Variants in TOX3 observed in about 807,000 individuals in gnomAD.
TOX3 encodes TOX high mobility group box family member 3.
A neutral mutation model predicts 64.3 loss-of-function variants in TOX3; 22 were observed. That is an observed-to-expected ratio of 0.34 (90% CI 0.24 to 0.49). TOX3 has a LOEUF of 0.49. Ranked by LOEUF, TOX3 falls within the 20% of genes least tolerant of loss-of-function variation. The pLI, the probability that TOX3 is intolerant of heterozygous loss-of-function variation, is 0.99. For synonymous variants in TOX3, 291 were observed against 273.6 expected, an observed-to-expected ratio of 1.06 and a Z score of -0.63; for missense variants, 661 against 714.4, an observed-to-expected ratio of 0.93 and a Z score of 0.85.
chr16:52,491,459 T>G (rs1295879039), intron 1 of TOX3, among the ~76,000 whole-genome samples: 2 of 152,166 alleles, frequency 1.3e-5, no homozygotes, highest in Non-Finnish European at 2.9e-5. Flanking sequence ...GGAGTAATGT[T>G]TTATTTCATT....
Position 52,473,057 on chromosome 16 carries a change from G to A in TOX3, c.88-4483C>T, listed in dbSNP as rs994656748. Among the ~76,000 whole-genome samples, 65 of 152,100 alleles carry A rather than the reference G, an allele frequency of 4.3e-4. 1 individual carries two copies. The highest frequency in any genetic ancestry group is 7.4e-4 in the Non-Finnish European group (50 of 68,020). On this transcript the variant is annotated intron_variant, in intron 1 of 6. Coordinates refer to ENST00000219746, the MANE Select transcript of TOX3 (RefSeq NM_001080430.4). The stretch of plus-strand genomic sequence containing the variant: ...AGGATGTCAATTAAAAAGGAGCACC[G>A]CAGGATTTTTTAGAAATTTATTAAG...
chr16:52,495,979 T>C (rs1961840177), intron 1 of TOX3, among the ~76,000 whole-genome samples: 2 of 152,212 alleles, frequency 1.3e-5, no homozygotes, highest in Admixed American at 1.3e-4. Context: ...AGAGGTGCTA[T>C]ATCAGTTTTA....
intron 1 of TOX3, among the ~76,000 whole-genome samples, chr16:52,499,457 A>C (rs1159285995): frequency 1.3e-5 from 2 of 152,252 alleles, no homozygotes; most frequent in Non-Finnish European, 2.9e-5. Context: ...AAGACAAACA[A>C]ACAAACAAAA....
rs1231964775 is a variant in TOX3 at position 52,439,767 on chromosome 16, T to C, written c.1189A>G (p.Ile397Val). Residue 397 changes from isoleucine (I) to valine (V), a missense_variant, in exon 7 of 7, where the codon ATT becomes GTT. Ile to Val is a conservative substitution (Grantham distance 29). Transcript: ENST00000219746. ...PLTMRLPMNQ[I>V]VTSVTIAANM... Reference sequence around the variant, plus strand: ...GCTGCAATGGTGACTGATGTGACAATCTGGTTCATGGGGAGTCTCATGGTT... The same window carrying C: ...GCTGCAATGGTGACTGATGTGACAACCTGGTTCATGGGGAGTCTCATGGTT... 27 of 1,613,880 alleles carry C rather than the reference T, an allele frequency of 1.7e-5. No individual in the cohort carries two copies. Among genetic ancestry groups the C allele is most frequent in the Non-Finnish European group, 2.3e-5 (27 of 1,179,874 alleles).
At chr16:52,519,332 C>A in intron 1 of TOX3, 3 of 1,412,670 alleles carry the variant, frequency 2.1e-6, no homozygotes, top group East Asian at 2.5e-5. Context: ...ATTCATCAGA[C>A]AAACTGATAA....
chr16:52,466,496 G>A (rs1302567872), intron 2 of TOX3, among the ~76,000 whole-genome samples: 1 of 152,140 alleles, frequency 6.6e-6, no homozygotes, highest in Non-Finnish European at 1.5e-5. Flanking sequence ...TGCAGTGACT[G>A]GGAAATTAGG....
chr16:52,496,758 T>C (rs1961859363), intron 1 of TOX3, among the ~76,000 whole-genome samples: 1 of 152,166 alleles, frequency 6.6e-6, no homozygotes, highest in Non-Finnish European at 1.5e-5. Context: ...TAAATAAACA[T>C]GAACTGAACT....
intron 3 of TOX3, among the ~76,000 whole-genome samples, chr16:52,460,794 A>C (rs924604928): frequency 6.6e-6 from 1 of 152,112 alleles, no homozygotes; most frequent in African/African-American, 2.4e-5. Flanking sequence ...GCTCTCTCTC[A>C]AGCCTCTAGG....
At chr16:52,470,851 G>A (rs1961021439) in intron 1 of TOX3, among the ~76,000 whole-genome samples, 1 of 152,118 alleles carries the variant, frequency 6.6e-6, no homozygotes, top group South Asian at 2.1e-4. Context: ...ATCTATAGAA[G>A]GCCTTAATTA....
chr16:52,503,176 T>G (rs1295629969), intron 1 of TOX3, among the ~76,000 whole-genome samples: 1 of 152,196 alleles, frequency 6.6e-6, no homozygotes, highest in Admixed American at 6.5e-5. Flanking sequence ...GAAAATTATG[T>G]TTTTATGAAA....
At chr16:52,546,274 C>T (rs1435079355) in intron 1 of TOX3, among the ~76,000 whole-genome samples, 2 of 152,136 alleles carry the variant, frequency 1.3e-5, no homozygotes, top group Non-Finnish European at 2.9e-5. Context: ...TGCGTAGCCC[C>T]CACTCAGTCC....
At chr16:52,507,944 C>A (rs1488601356) in intron 1 of TOX3, among the ~76,000 whole-genome samples, 1 of 152,132 alleles carries the variant, frequency 6.6e-6, no homozygotes, top group Non-Finnish European at 1.5e-5. Flanking sequence ...AACTATATTA[C>A]AATTTAAGCT....
chr16:52,481,090 T>A (rs1961358367), intron 1 of TOX3, among the ~76,000 whole-genome samples: 2 of 152,164 alleles, frequency 1.3e-5, no homozygotes, highest in African/African-American at 4.8e-5. Flanking sequence ...AATCCATACA[T>A]TAAACATAAA....
intron 1 of TOX3, among the ~76,000 whole-genome samples, chr16:52,544,240 G>A (rs1004060666): frequency 2.6e-5 from 4 of 152,098 alleles, no homozygotes; most frequent in Non-Finnish European, 5.9e-5. Context: ...CACCACTTCA[G>A]ACACACAAAT....
intron 6 of TOX3, 43 bp from the exon 7 acceptor site, chr16:52,440,011 A>T: frequency 2.1e-6 from 3 of 1,434,442 alleles, no homozygotes; most frequent in Non-Finnish European, 2.8e-6. Flanking sequence ...ACAACACATA[A>T]GTATTTAAAA....
chr16:52,538,373 T>C (rs1278063209), intron 1 of TOX3, among the ~76,000 whole-genome samples: 1 of 152,192 alleles, frequency 6.6e-6, no homozygotes, highest in South Asian at 2.1e-4. Flanking sequence ...ATTTTTATTA[T>C]TCTACAGTAA....
At chr16:52,532,795 G>A (rs1962878673) in intron 1 of TOX3, among the ~76,000 whole-genome samples, 1 of 152,140 alleles carries the variant, frequency 6.6e-6, no homozygotes. Context: ...ACAGGGCAAT[G>A]GCAATCAGAA....
chr16:52,539,988 C>A (rs553959634), intron 1 of TOX3, among the ~76,000 whole-genome samples: 1 of 152,074 alleles, frequency 6.6e-6, no homozygotes. Context: ...ATCCTACTCC[C>A]GGTCTCTCCT....
In TOX3 at chr16:52,546,887, G is replaced by T. The variant is rs1220327320; in HGVS notation, c.-164C>A. 5.2e-6 allele frequency: 6 copies of T among 1,158,298 alleles called. No individual in the cohort carries two copies. Among genetic ancestry groups the T allele is most frequent in the Non-Finnish European group, 6.4e-6 (6 of 941,516 alleles). 71.8% of individuals were successfully genotyped at this position (1,158,298 alleles called of 1,614,324 possible). A position where few individuals can be genotyped will look rare whatever the true frequency, so the allele number is the denominator to read the frequency against. On this transcript the variant is annotated 5_prime_UTR_variant, in exon 1 of 7. Coordinates refer to ENST00000219746, the MANE Select transcript of TOX3 (RefSeq NM_001080430.4). ...CCAGAGCCCGAGGAGCTCGGGAGCC[G>T]CGGCCGCCGCACACAAAGGCGCGGC...
Sources: allele counts gnomAD v4.1 joint callset (sites outside exome capture counted in the v4.1 genomes callset), GRCh38; gene constraint gnomAD v4.1.1; transcripts MANE v1.5; gene names NCBI Gene and HGNC (gene_info 2026-07-23, HGNC 2026-07-21).